Variants in ZNF385D observed in about 807,000 individuals in gnomAD.
ZNF385D encodes the protein zinc finger protein 659.
In ZNF385D, 15 loss-of-function variants were observed where a neutral mutation model predicts 35.8. That is an observed-to-expected ratio of 0.42 (90% CI 0.28 to 0.64). The LOEUF (loss-of-function observed/expected upper bound fraction) is 0.64. ZNF385D is among the 30% of genes least tolerant of loss of function. The probability of loss-of-function intolerance (pLI) is 0.23; values close to 1 mark genes in which losing one functional copy is unlikely to be tolerated. For synonymous variants in ZNF385D, 212 were observed against 186.8 expected, an observed-to-expected ratio of 1.13 and a Z score of -1.10; for missense variants, 474 against 494.6, an observed-to-expected ratio of 0.96 and a Z score of 0.39.
At chr3:22,292,225 G>C (rs900825886) in intron 2 of ZNF385D, among the ~76,000 whole-genome samples, 2 of 151,906 alleles carry the variant, frequency 1.3e-5, no homozygotes, top group Non-Finnish European at 2.9e-5. Context: ...TTTTAAAAAA[G>C]AAATATAGAA....
intron 2 of ZNF385D, among the ~76,000 whole-genome samples, chr3:22,356,824 A>C (rs138982126): frequency 6.6e-6 from 1 of 151,996 alleles, no homozygotes; most frequent in East Asian, 1.9e-4. Context: ...ACATTTTACA[A>C]AGTAGATTCA....
intron 2 of ZNF385D, among the ~76,000 whole-genome samples, chr3:22,191,632 T>C (rs969079764): frequency 6.6e-6 from 1 of 152,188 alleles, no homozygotes; most frequent in Non-Finnish European, 1.5e-5. Flanking sequence ...AGATCTATTG[T>C]CTTTAAATGT....
chr3:21,601,277 C>T lies in ZNF385D; in HGVS notation c.166-36593G>A, dbSNP rs2064282176. 2.0e-5 allele frequency among the ~76,000 whole-genome samples: 3 copies of T among 152,152 alleles called. No homozygotes were observed. In the South Asian group the frequency reaches 6.2e-4, roughly 32 times the overall value. On this transcript the variant is annotated intron_variant, in intron 2 of 7. Transcript: ENST00000281523. ...TTCCTTTATAAAGCAGATGTTAAAC[C>T]ATAGGCCAGGACAGATCTGAATTCT... is the stretch of plus-strand genomic sequence containing the variant.
intron 3 of ZNF385D, among the ~76,000 whole-genome samples, chr3:22,103,939 G>A (rs1025952446): frequency 1.3e-5 from 2 of 151,874 alleles, no homozygotes; most frequent in African/African-American, 4.8e-5. Flanking sequence ...AATTTAATAG[G>A]AAAATCAGTC....
chr3:21,912,554 G>A lies in ZNF385D; in HGVS notation c.326-247526C>T, dbSNP rs1380077286. 4.6e-5 allele frequency among the ~76,000 whole-genome samples: 7 copies of A among 152,042 alleles called. No homozygotes were observed. In the South Asian group the frequency reaches 1.0e-3, roughly 23 times the overall value. ...TTGAACCAGGCATTGTGTGCCATTC[G>A]AAGCACTCCAGTGGATTGCTATAGT... On this transcript the variant is annotated intron_variant, in intron 3 of 5. Transcript: ENST00000494108.
At chr3:22,336,588 T>G (rs1695169471) in intron 2 of ZNF385D, among the ~76,000 whole-genome samples, 1 of 152,082 alleles carries the variant, frequency 6.6e-6, no homozygotes, top group South Asian at 2.1e-4. Context: ...TGACAGCTAT[T>G]TTCCACAACA....
intron 2 of ZNF385D, among the ~76,000 whole-genome samples, chr3:21,584,585 CTCTTT>C (rs66691245): frequency 0.13 from 20,465 of 152,084 alleles, 1,431 homozygotes; most frequent in Non-Finnish European, 0.17. Flanking sequence ...AAAGTAGCTT[CTCTTT>C]TCTTATTATC....
rs370881011 is a variant in ZNF385D at position 21,811,261 on chromosome 3, G to A, written c.326-146233C>T. On this transcript the variant is annotated intron_variant, in intron 3 of 5. Coordinates refer to the ZNF385D transcript ENST00000494108. ...CACAGCAGCAATGAACACCCTGATC[G>A]CTCAAAATAGTGGTATTTAAATAAC... Among the ~76,000 whole-genome samples, 58 of 152,026 alleles carry A rather than the reference G, an allele frequency of 3.8e-4. 2 individuals carry two copies. In the South Asian group the frequency reaches 8.9e-3, roughly 23 times the overall value.
chr3:22,102,747 A>G (rs1476946809), intron 3 of ZNF385D, among the ~76,000 whole-genome samples: 14 of 152,078 alleles, frequency 9.2e-5, no homozygotes, highest in Admixed American at 8.5e-4. Context: ...TAGCTACAAG[A>G]TTAAAGAAAA....
chr3:22,100,861 C>T (rs907958377), intron 3 of ZNF385D, among the ~76,000 whole-genome samples: 49 of 151,432 alleles, frequency 3.2e-4, no homozygotes, highest in African/African-American at 1.1e-3. Context: ...AAGAAAATCA[C>T]ATAAAAAATA....
chr3:22,315,987 TTC>T (rs1425469913), intron 2 of ZNF385D, among the ~76,000 whole-genome samples: 6 of 152,210 alleles, frequency 3.9e-5, no homozygotes, highest in Non-Finnish European at 7.3e-5. Flanking sequence ...GATGTGTGAC[TTC>T]CCAGTTGCTC....
At chr3:22,109,258 A>G (rs1019292615) in intron 3 of ZNF385D, among the ~76,000 whole-genome samples, 1 of 152,140 alleles carries the variant, frequency 6.6e-6, no homozygotes. Flanking sequence ...TCATTCATTC[A>G]CTTATCAACT....
rs558388332 is a variant in ZNF385D at position 21,718,617 on chromosome 3, T to C, written c.22+32278A>G. ...TCATCAAGATTAAGTATTAATTAAA[T>C]AATAACTAAATAGCTTGTTAGTGGC... is the stretch of plus-strand genomic sequence containing the variant. On this transcript the variant is annotated intron_variant, in intron 1 of 7. Transcript: ENST00000281523. 3.9e-5 allele frequency among the ~76,000 whole-genome samples: 6 copies of C among 152,078 alleles called. No homozygotes were observed. In the South Asian group the frequency reaches 1.0e-3, roughly 26 times the overall value.
intron 4 of ZNF385D, among the ~76,000 whole-genome samples, chr3:21,494,365 T>G (rs1308734636): frequency 6.6e-6 from 1 of 152,174 alleles, no homozygotes; most frequent in Non-Finnish European, 1.5e-5. Flanking sequence ...GAATAGTATT[T>G]ACACCAAAAT....
intron 3 of ZNF385D, among the ~76,000 whole-genome samples, chr3:22,081,739 C>A (rs2125583985): frequency 6.6e-6 from 1 of 152,252 alleles, no homozygotes; most frequent in South Asian, 2.1e-4. Flanking sequence ...GTAGTTATGA[C>A]AAAGACTCTA....
At chr3:22,191,245 C>G (rs1184878666) in intron 2 of ZNF385D, among the ~76,000 whole-genome samples, 1 of 152,028 alleles carries the variant, frequency 6.6e-6, no homozygotes, top group Admixed American at 6.6e-5. Flanking sequence ...AATCCCAGCA[C>G]TTTGGGAGGC....
intron 3 of ZNF385D, among the ~76,000 whole-genome samples, chr3:22,141,182 C>T (rs1316282016): frequency 6.6e-6 from 1 of 151,966 alleles, no homozygotes; most frequent in Non-Finnish European, 1.5e-5. Context: ...AAAATAATAA[C>T]AAATCATTCT....
intron 2 of ZNF385D, among the ~76,000 whole-genome samples, chr3:21,645,715 A>T (rs1196003143): frequency 1.3e-5 from 2 of 152,194 alleles, no homozygotes; most frequent in African/African-American, 4.8e-5. Flanking sequence ...TCCTGCCAAC[A>T]GTCCCTGTGT....
chr3:22,181,007 C>G (rs996052056), intron 2 of ZNF385D, among the ~76,000 whole-genome samples: 1 of 140,302 alleles, frequency 7.1e-6, no homozygotes, highest in African/African-American at 2.7e-5. Flanking sequence ...CTCATTGATT[C>G]TGTCTTCTTA....
Sources: allele counts gnomAD v4.1 joint callset (sites outside exome capture counted in the v4.1 genomes callset), GRCh38; gene constraint gnomAD v4.1.1; transcripts MANE v1.5; gene names NCBI Gene and HGNC (gene_info 2026-07-23, HGNC 2026-07-21).